UTRN: variants seen among roughly 807,000 people sequenced by gnomAD.
The protein encoded by UTRN is dystrophin-related protein 1.
UTRN carries 283 observed loss-of-function variants against 463.9 expected under a neutral mutation model. The observed-to-expected ratio is 0.61, with a 90% CI of 0.55 to 0.67. UTRN has a LOEUF of 0.67. UTRN is among the 30% of genes least tolerant of loss of function. The pLI is 0.00. For synonymous variants in UTRN, 1,442 were observed against 1,431.5 expected, an observed-to-expected ratio of 1.01 and a Z score of -0.17; for missense variants, 3,922 against 4,084.3, an observed-to-expected ratio of 0.96 and a Z score of 1.08.
At chr6:144,513,779 C>G in intron 35 of UTRN, 130 bp from the exon 36 acceptor site, 1 of 966,950 alleles carries the variant, frequency 1.0e-6, no homozygotes, top group Non-Finnish European at 1.5e-6. Flanking sequence ...AAGAGCTCTG[C>G]AGGAAGGTGA....
chr6:144,362,673 C>T (rs570413482), intron 2 of UTRN, among the ~76,000 whole-genome samples: 1 of 152,156 alleles, frequency 6.6e-6, no homozygotes, highest in South Asian at 2.1e-4. Flanking sequence ...TTTGCCAAGA[C>T]ATGGAAAAAG....
intron 51 of UTRN, among the ~76,000 whole-genome samples, chr6:144,601,923 A>G (rs935273445): frequency 6.6e-6 from 1 of 152,202 alleles, no homozygotes; most frequent in Non-Finnish European, 1.5e-5. Flanking sequence ...CAAAAAGGTT[A>G]TGACTTGCTG....
chr6:144,713,529 G>A (rs997049564), intron 53 of UTRN, among the ~76,000 whole-genome samples: 11 of 151,534 alleles, frequency 7.3e-5, no homozygotes, highest in South Asian at 2.1e-4. Context: ...CAGGAGAATC[G>A]CTTGAACCTG....
intron 34 of UTRN, among the ~76,000 whole-genome samples, chr6:144,499,774 G>A (rs949686102): frequency 4.6e-5 from 7 of 151,898 alleles, no homozygotes; most frequent in African/African-American, 1.5e-4. Context: ...TCTGTTTCTC[G>A]CCCCTCTACT....
intron 46 of UTRN, 91 bp downstream of exon 46, chr6:144,542,961 A>G: frequency 9.4e-7 from 1 of 1,062,212 alleles, no homozygotes; most frequent in Non-Finnish European, 1.4e-6. Context: ...AGAAAGACTT[A>G]GAAACGTCGT....
chr6:144,565,476 A>G (rs1233104772), intron 50 of UTRN, among the ~76,000 whole-genome samples: 1 of 152,146 alleles, frequency 6.6e-6, no homozygotes, highest in African/African-American at 2.4e-5. Flanking sequence ...AGAGAGGGGT[A>G]TGCTTAACTG....
rs564616455 is a variant in UTRN, at chr6:144,360,481, G to A, written c.80-42642G>A. Among the ~76,000 whole-genome samples, 5 of 152,272 alleles carry A rather than the reference G, an allele frequency of 3.3e-5. No homozygotes were observed. In the South Asian group the frequency reaches 1.0e-3, roughly 32 times the overall value. On this transcript the variant is annotated intron_variant, in intron 2 of 74. Coordinates refer to ENST00000367545, the MANE Select transcript of UTRN (RefSeq NM_007124.3). Reference sequence around the variant, plus strand: ...AGCCACTGCACCAGACCTGGTTTAAGTACCCTTTTGGAGATAACCCCAATC... The same window carrying A: ...AGCCACTGCACCAGACCTGGTTTAAATACCCTTTTGGAGATAACCCCAATC...
chr6:144,427,630 A>G (rs572773111), intron 7 of UTRN, among the ~76,000 whole-genome samples: 2 of 152,202 alleles, frequency 1.3e-5, no homozygotes, highest in Non-Finnish European at 2.9e-5. Flanking sequence ...GTGTTTTACC[A>G]TAAGAATGAT....
At chr6:144,743,479 A>AC (rs1790335356) in intron 54 of UTRN, among the ~76,000 whole-genome samples, 1 of 152,220 alleles carries the variant, frequency 6.6e-6, no homozygotes. Context: ...CAGAGGCTCA[A>AC]CCTTCTTACA....
intron 19 of UTRN, 68 bp downstream of exon 19, chr6:144,453,937 C>T (rs932017510): frequency 1.1e-5 from 15 of 1,406,380 alleles, no homozygotes; most frequent in Non-Finnish European, 1.5e-5. Context: ...ACAGTTTGCC[C>T]TATTAAATAT....
intron 3 of UTRN, among the ~76,000 whole-genome samples, chr6:144,418,523 T>C (rs1468978877): frequency 6.7e-6 from 1 of 148,190 alleles, no homozygotes; most frequent in African/African-American, 2.5e-5. Context: ...GTGCCAGGCC[T>C]GTATTTCTTT....
At chr6:144,566,123 G>A (rs757521767) in intron 50 of UTRN, among the ~76,000 whole-genome samples, 1 of 152,180 alleles carries the variant, frequency 6.6e-6, no homozygotes. Context: ...AAAAGTCAAC[G>A]AGAAGGTGAG....
chr6:144,403,063 G>A lies in UTRN; in HGVS notation c.80-60G>A, dbSNP rs972085095. On this transcript the variant is annotated intron_variant, in intron 2 of 74. Transcript: ENST00000367545. The stretch of plus-strand genomic sequence containing the variant: ...CAGGATAGAGATAACCTTATTTGGT[G>A]CTTTACTAAAGGTACAGACTCTCAT... The A allele has an allele frequency of 9.5e-6, 14 of 1,467,988 alleles. No individual in the cohort carries two copies. The African/African-American group carries it at 1.5e-4, about 16-fold the overall frequency. The allele number at this position is 1,467,988 out of a possible 1,614,324, so 90.9% of individuals were successfully genotyped here.
Position 144,516,909 on chromosome 6 carries a change from G to T in UTRN, c.5502G>T (p.Leu1834Phe), listed in dbSNP as rs147604505. ...ATAATAAAAAAGAAAAGATCCGTTT[G>T]CAATTATTACTTTTGCATACTAGAT... ...MEDNKKEKIRLQLLLLHTRYN... is the reference protein window; with the variant it reads ...MEDNKKEKIRFQLLLLHTRYN... The change falls in exon 39 of 75, where the codon TTG (leucine) becomes TTT (phenylalanine). Residue 1834 changes from leucine to phenylalanine, a missense_variant. This residue lies in a region of UTRN where 2,349 missense variants were observed against 2,303.8 expected (regional missense o/e 1.02). Transcript: ENST00000367545. 1.3e-6 allele frequency: 2 copies of T among 1,495,654 alleles called. No homozygotes were observed. The highest frequency in any genetic ancestry group is 5.2e-5 in the East Asian group (2 of 38,444). 92.6% of individuals were successfully genotyped at this position (1,495,654 alleles called of 1,614,324 possible).
At chr6:144,416,976 A>G (rs1475084270) in intron 3 of UTRN, among the ~76,000 whole-genome samples, 1 of 152,184 alleles carries the variant, frequency 6.6e-6, no homozygotes, top group Non-Finnish European at 1.5e-5. Context: ...CAAAATTGAA[A>G]TAAGAGGTTA....
chr6:144,454,894 C>G (rs1250586637), intron 19 of UTRN, among the ~76,000 whole-genome samples: 4 of 152,154 alleles, frequency 2.6e-5, no homozygotes, highest in East Asian at 3.8e-4. Flanking sequence ...AACCTACACA[C>G]ACACATCACT....
At chr6:144,678,662 G>T in intron 52 of UTRN, 84 bp downstream of exon 52, 1 of 1,264,602 alleles carries the variant, frequency 7.9e-7, no homozygotes, top group African/African-American at 1.5e-5. Context: ...AAGAGAAAGC[G>T]CAGCCTTACC....
chr6:144,540,837 A>G (rs775292780), intron 45 of UTRN, among the ~76,000 whole-genome samples: 1 of 152,238 alleles, frequency 6.6e-6, no homozygotes, highest in Non-Finnish European at 1.5e-5. Context: ...GGTTTATTGG[A>G]TAGCCAGATG....
intron 3 of UTRN, among the ~76,000 whole-genome samples, chr6:144,412,793 T>TCAC (rs1562361654): frequency 2.7e-4 from 38 of 139,918 alleles, no homozygotes; most frequent in African/African-American, 9.7e-4. Flanking sequence ...ACACACACAG[T>TCAC]AAACAATGGG....
Sources: allele counts gnomAD v4.1 joint callset (sites outside exome capture counted in the v4.1 genomes callset), GRCh38; gene constraint gnomAD v4.1.1; regional missense constraint gnomAD v4.1.1; transcripts MANE v1.5; gene names NCBI Gene and HGNC (gene_info 2026-07-23, HGNC 2026-07-21).